Variants in MICALL1 observed in about 807,000 individuals in gnomAD.
MICALL1 encodes MICAL like 1, also known as MICAL-like protein 1.
MICALL1 carries 61 observed loss-of-function variants against 83.7 expected under a neutral mutation model. The observed-to-expected ratio is 0.73, with a 90% CI of 0.59 to 0.90. The LOEUF (loss-of-function observed/expected upper bound fraction) is 0.90. Among genes scored for constraint, MICALL1 ranks in the 40% least tolerant of loss-of-function variants. The pLI is 0.00. For missense variants in MICALL1, 1,066 were observed against 1,152.0 expected (o/e 0.93, Z 1.08); for synonymous variants, 481 against 473.6 (o/e 1.02, Z -0.20).
chr22:37,911,561 G>A (rs713922), intron 1 of MICALL1, among the ~76,000 whole-genome samples: 51,861 of 152,122 alleles, frequency 0.34, 9,598 homozygotes, highest in Non-Finnish European at 0.41. Flanking sequence ...GCCCAGCACT[G>A]CGCCCTGGGG....
At chr22:37,939,224 T>C (rs550521502) in intron 15 of MICALL1, among the ~76,000 whole-genome samples, 1 of 152,308 alleles carries the variant, frequency 6.6e-6, no homozygotes, top group Admixed American at 6.5e-5. Flanking sequence ...ATTCTTCATA[T>C]CTGCAGAATG....
intron 15 of MICALL1, among the ~76,000 whole-genome samples, chr22:37,940,068 G>T (rs1277052203): frequency 6.6e-6 from 1 of 152,022 alleles, no homozygotes; most frequent in South Asian, 2.1e-4. Context: ...CAGCCTGGGC[G>T]ACAGAGACTC....
chr22:37,918,979 A>G, intron 4 of MICALL1, 57 bp from the exon 5 acceptor site: 1 of 1,486,890 alleles, frequency 6.7e-7, no homozygotes, highest in Admixed American at 2.1e-5. Flanking sequence ...AGTGATGTGA[A>G]CAGGATGGCT....
chr22:37,916,287 G>C (rs114006400), intron 3 of MICALL1, among the ~76,000 whole-genome samples: 1 of 152,202 alleles, frequency 6.6e-6, no homozygotes, highest in Admixed American at 6.5e-5. Context: ...TATGCTGCCT[G>C]TATTTTCAGC....
In MICALL1 at chr22:37,925,686, C is replaced by G. The variant is rs751927675; in HGVS notation, c.1108C>G (p.Pro370Ala). Reference protein sequence around the residue: ...EGTPAPRKDPPWITLVQAEPK... With the variant: ...EGTPAPRKDPAWITLVQAEPK... Reference sequence around the variant, plus strand: ...GACACCAGCCCCCAGGAAGGACCCCCCATGGATCACGCTGGTGCAGGCAGA... The same window carrying G: ...GACACCAGCCCCCAGGAAGGACCCCGCATGGATCACGCTGGTGCAGGCAGA... Residue 370 changes from proline (P) to alanine (A), a missense_variant, in exon 8 of 16, where the codon CCA becomes GCA. Pro to Ala is a conservative substitution (Grantham distance 27). Coordinates refer to ENST00000215957, the MANE Select transcript of MICALL1 (RefSeq NM_033386.4). 1.2e-5 allele frequency: 20 copies of G among 1,609,312 alleles called. No homozygotes were observed. Among genetic ancestry groups the G allele is most frequent in the Non-Finnish European group, 1.6e-5 (19 of 1,178,722 alleles).
intron 1 of MICALL1, among the ~76,000 whole-genome samples, chr22:37,908,950 C>T (rs908779489): frequency 1.3e-5 from 2 of 152,162 alleles, no homozygotes; most frequent in African/African-American, 4.8e-5. Context: ...GTGGGGAGCA[C>T]AAGGTAGCGA....
At chr22:37,929,247 C>G (rs1040361573) in intron 9 of MICALL1, among the ~76,000 whole-genome samples, 1 of 152,176 alleles carries the variant, frequency 6.6e-6, no homozygotes, top group Non-Finnish European at 1.5e-5. Flanking sequence ...CTGCAGAGAC[C>G]TGGGTCTCCC....
chr22:37,933,998 G>T (rs1929943629), intron 13 of MICALL1, among the ~76,000 whole-genome samples: 1 of 152,234 alleles, frequency 6.6e-6, no homozygotes, highest in Admixed American at 6.5e-5. Context: ...GGAAGCCACA[G>T]AATGTCCCAG....
At chr22:37,928,252 C>G (rs556131189) in intron 9 of MICALL1, among the ~76,000 whole-genome samples, 4 of 148,814 alleles carry the variant, frequency 2.7e-5, no homozygotes, top group Middle Eastern at 3.8e-3. Flanking sequence ...TATCACCCAG[C>G]CTGGAGTGCA....
intron 5 of MICALL1, among the ~76,000 whole-genome samples, chr22:37,921,414 C>CA (rs578106024): frequency 2.7e-4 from 40 of 150,250 alleles, no homozygotes; most frequent in South Asian, 1.7e-3. Context: ...CTAAAAATGC[C>CA]AAAAAAAAAT....
At chr22:37,914,598 T>C (rs1035780970) in intron 3 of MICALL1, among the ~76,000 whole-genome samples, 1 of 151,892 alleles carries the variant, frequency 6.6e-6, no homozygotes, top group Non-Finnish European at 1.5e-5. Flanking sequence ...ATATATTATG[T>C]GTATATATGC....
rs1017001565 is a variant in MICALL1 at position 37,912,502 on chromosome 22, G to T, written c.337+10G>T. 3.1e-6 allele frequency: 5 copies of T among 1,589,228 alleles called. No individual in the cohort carries two copies. The African/African-American group carries it at 6.7e-5, about 21-fold the overall frequency. On this transcript the variant is annotated intron_variant, in intron 3 of 15. Coordinates refer to ENST00000215957, the MANE Select transcript of MICALL1 (RefSeq NM_033386.4). ...TGCAGTCCTGGCCAAGGTGAGAGGG[G>T]GACTCAGCGTTTCACGGAGGCTGGC...
At chr22:37,937,253 G>C in intron 14 of MICALL1, 59 bp downstream of exon 14, 5 of 1,363,780 alleles carry the variant, frequency 3.7e-6, no homozygotes, top group Non-Finnish European at 5.1e-6. Flanking sequence ...CAGGCTCTGG[G>C]CCTCATGGGT....
chr22:37,918,469 G>A (rs1302912350), intron 4 of MICALL1, among the ~76,000 whole-genome samples: 1 of 152,228 alleles, frequency 6.6e-6, no homozygotes, highest in African/African-American at 2.4e-5. Flanking sequence ...TGCTCCATGA[G>A]GGTACATGGG....
At position 37,927,509 on chromosome 22, in the gene MICALL1, A is replaced by C; in HGVS notation, c.1564A>C (p.Thr522Pro). The C allele has an allele frequency of 6.2e-7, 1 of 1,612,864 alleles. No homozygotes were observed. The highest frequency in any genetic ancestry group is 8.5e-7 in the Non-Finnish European group (1 of 1,178,962). Residue 522 changes from threonine (T) to proline (P), a missense_variant, in exon 9 of 16, where the codon ACT (threonine) becomes CCT (proline). Coordinates refer to ENST00000215957, the MANE Select transcript of MICALL1 (RefSeq NM_033386.4). Reference sequence around the variant, plus strand: ...CCTGTCGTCTGAGAGCGCCAGCCAGACTGCAGGTGCAGAGCTTCTGGAGCC... The same window carrying C: ...CCTGTCGTCTGAGAGCGCCAGCCAGCCTGCAGGTGCAGAGCTTCTGGAGCC... ...ESLSSESASQTAGAELLEPPA... is the reference protein window; with the variant it reads ...ESLSSESASQPAGAELLEPPA...
chr22:37,934,536 G>A (rs1466523397), intron 13 of MICALL1, among the ~76,000 whole-genome samples: 1 of 151,884 alleles, frequency 6.6e-6, no homozygotes, highest in Non-Finnish European at 1.5e-5. Flanking sequence ...AAGGGGCAGT[G>A]GCTGAGGGGG....
intron 5 of MICALL1, among the ~76,000 whole-genome samples, chr22:37,921,178 G>A (rs550454705): frequency 1.3e-5 from 2 of 152,324 alleles, no homozygotes; most frequent in South Asian, 4.1e-4. Context: ...ATAAAACTGT[G>A]TAAGTAGAGG....
At chr22:37,933,252 G>A in intron 13 of MICALL1, 140 bp downstream of exon 13, 1 of 820,306 alleles carries the variant, frequency 1.2e-6, no homozygotes, top group Non-Finnish European at 1.9e-6. Context: ...TGCGGGGCAG[G>A]GCTGTCTGGG....
At chr22:37,907,826 CCCCTG>C (rs1928064280) in intron 1 of MICALL1, among the ~76,000 whole-genome samples, 1 of 152,176 alleles carries the variant, frequency 6.6e-6, no homozygotes, top group Non-Finnish European at 1.5e-5. Context: ...TGTAGGTGGG[CCCCTG>C]CCCGCTGTGG....
Sources: gnomAD v4.1 joint callset for allele counts (sites outside exome capture counted in the v4.1 genomes callset) on GRCh38, gnomAD v4.1.1 for gene constraint, MANE v1.5 for transcripts, NCBI Gene and HGNC (gene_info 2026-07-23, HGNC 2026-07-21) for gene names.